Variants in TBC1D1 observed in about 807,000 individuals in gnomAD.
TBC1D1 encodes the protein TBC1 (tre-2/USP6, BUB2, cdc16) domain family, member 1.
In TBC1D1, 89 loss-of-function variants were observed where a neutral mutation model predicts 125.6. That is an observed-to-expected ratio of 0.71 (90% CI 0.60 to 0.85). The LOEUF (loss-of-function observed/expected upper bound fraction) is 0.85, where lower values mean the gene tolerates loss of function less well. Among genes scored for constraint, TBC1D1 ranks in the 40% least tolerant of loss-of-function variants. The probability of loss-of-function intolerance (pLI) is 0.00; values close to 1 mark genes in which losing one functional copy is unlikely to be tolerated. For missense variants in TBC1D1, 1,377 were observed against 1,469.2 expected, an observed-to-expected ratio of 0.94 and a Z score of 1.03; for synonymous variants, 565 against 564.1, an observed-to-expected ratio of 1.00 and a Z score of -0.02.
At chr4:37,940,789 T>G (rs1168819455) in intron 2 of TBC1D1, among the ~76,000 whole-genome samples, 1 of 152,166 alleles carries the variant, frequency 6.6e-6, no homozygotes, top group African/African-American at 2.4e-5. Flanking sequence ...AATCATGTGG[T>G]TTTTGTCTTT....
chr4:38,133,328 C>A (rs1765921006), intron 19 of TBC1D1, 71 bp downstream of exon 21: 1 of 1,450,958 alleles, frequency 6.9e-7, no homozygotes, highest in Non-Finnish European at 9.4e-7. Flanking sequence ...CCAAAGGCAA[C>A]AGCAGGCTGG....
In TBC1D1 at chr4:38,082,416, T is replaced by C. The variant is rs139097411; in HGVS notation, c.2051-7516T>C. On this transcript the variant is annotated intron_variant, in intron 12 of 19. Coordinates refer to ENST00000261439, the MANE Select transcript of TBC1D1 (RefSeq NM_015173.4). ...AAAATCAGTGTTACAGAAATGGTAA[T>C]AGGATAGGGCAAACTGTTACAAAGA... Among the ~76,000 whole-genome samples the C allele has an allele frequency of 3.3e-3, 508 of 152,248 alleles. 2 individuals carry two copies. The highest frequency in any genetic ancestry group is 0.011 in the African/African-American group (477 of 41,546).
chr4:38,004,643 G>A (rs1739735808), intron 2 of TBC1D1, among the ~76,000 whole-genome samples: 1 of 152,098 alleles, frequency 6.6e-6, no homozygotes, highest in Non-Finnish European at 1.5e-5. Flanking sequence ...ATAAAAGTTA[G>A]TTGCAGAACA....
At chr4:37,975,025 A>C (rs4479715) in intron 2 of TBC1D1, among the ~76,000 whole-genome samples, 44,346 of 152,158 alleles carry the variant, frequency 0.29, 6,556 homozygotes, top group East Asian at 0.4. Flanking sequence ...ACATAAGACA[A>C]AAAGATAAAA....
At chr4:37,924,638 T>C (rs1313618012) in intron 2 of TBC1D1, among the ~76,000 whole-genome samples, 2 of 152,238 alleles carry the variant, frequency 1.3e-5, no homozygotes, top group Non-Finnish European at 2.9e-5. Context: ...TCTCCTTCTG[T>C]GTCTGGTGTA....
At chr4:37,980,081 G>A (rs530919943) in intron 2 of TBC1D1, among the ~76,000 whole-genome samples, 1 of 152,338 alleles carries the variant, frequency 6.6e-6, no homozygotes, top group East Asian at 1.9e-4. Context: ...CCCCGGCCAA[G>A]CATGAATGTG....
At chr4:37,940,482 G>T (rs1725323707) in intron 2 of TBC1D1, among the ~76,000 whole-genome samples, 1 of 152,176 alleles carries the variant, frequency 6.6e-6, no homozygotes, top group African/African-American at 2.4e-5. Flanking sequence ...GGGACAATTT[G>T]ATTTCCTCTT....
At chr4:38,053,920 A>G (rs1451405695) in intron 11 of TBC1D1, among the ~76,000 whole-genome samples, 1 of 152,222 alleles carries the variant, frequency 6.6e-6, no homozygotes, top group Non-Finnish European at 1.5e-5. Context: ...AGAGAGGCCC[A>G]ATTGGAACTA....
intron 2 of TBC1D1, among the ~76,000 whole-genome samples, chr4:37,968,014 A>AT (rs1216871711): frequency 6.6e-6 from 1 of 152,186 alleles, no homozygotes; most frequent in Non-Finnish European, 1.5e-5. Flanking sequence ...CACCGATTCT[A>AT]TTTTTGGAAT....
chr4:38,051,634 T>TA (rs36021986), intron 11 of TBC1D1, among the ~76,000 whole-genome samples: 37 of 146,452 alleles, frequency 2.5e-4, no homozygotes, highest in Admixed American at 6.1e-4. Context: ...TGAGACCTAT[T>TA]AAAAAAAAAA....
intron 1 of TBC1D1, among the ~76,000 whole-genome samples, chr4:37,900,629 G>A (rs558453451): frequency 3.3e-5 from 5 of 152,164 alleles, no homozygotes; most frequent in African/African-American, 1.2e-4. Context: ...GCAGGGGCAG[G>A]GAGCTGGATA....
chr4:38,021,628 G>T lies in TBC1D1; in HGVS notation c.1120G>T (p.Ala374Ser), dbSNP rs1446108464. ...GACCCTGAAACAGGCCTTCACGGTG[G>T]CCGCAGTGCAGCAGACAGCTAAGGC... Residue 374 changes from alanine (A) to serine (S), a missense_variant, in exon 6 of 20, where the codon GCC (alanine) becomes TCC (serine). This residue lies in a region of TBC1D1 where 822 missense variants were observed against 824.6 expected (regional missense o/e 1.00). Coordinates refer to ENST00000261439, the MANE Select transcript of TBC1D1 (RefSeq NM_015173.4). The T allele has an allele frequency of 6.3e-7, 1 of 1,589,954 alleles. No individual in the cohort carries two copies.
At chr4:37,945,664 G>A (rs971978475) in intron 2 of TBC1D1, among the ~76,000 whole-genome samples, 7 of 151,446 alleles carry the variant, frequency 4.6e-5, no homozygotes, top group Non-Finnish European at 7.4e-5. Context: ...ACAACTGTCT[G>A]CAGTATTCAT....
At chr4:38,124,190 G>A (rs636487) in intron 17 of TBC1D1, among the ~76,000 whole-genome samples, 1 of 137,700 alleles carries the variant, frequency 7.3e-6, no homozygotes, top group South Asian at 2.3e-4. Context: ...TAGTTATCGT[G>A]GCTCTGCTTT....
intron 12 of TBC1D1, among the ~76,000 whole-genome samples, chr4:38,069,766 G>C (rs530653248): frequency 1.3e-5 from 2 of 152,352 alleles, no homozygotes; most frequent in Non-Finnish European, 2.9e-5. Flanking sequence ...CTTACCCAGG[G>C]AGAGGTGGGG....
intron 2 of TBC1D1, among the ~76,000 whole-genome samples, chr4:37,993,727 G>A (rs574567567): frequency 1.3e-5 from 2 of 152,102 alleles, no homozygotes; most frequent in African/African-American, 2.4e-5. Context: ...GATTACAGGC[G>A]CCCGCCACCG....
At chr4:38,104,457 C>T (rs1282054172) in intron 15 of TBC1D1, among the ~76,000 whole-genome samples, 1 of 152,234 alleles carries the variant, frequency 6.6e-6, no homozygotes, top group East Asian at 1.9e-4. Context: ...CCGCCTATCA[C>T]CCAAGCTGCT....
intron 8 of TBC1D1, among the ~76,000 whole-genome samples, chr4:38,041,071 A>G (rs1440965371): frequency 2.0e-5 from 3 of 152,234 alleles, no homozygotes. Context: ...TCATTCTCAT[A>G]GAGAGTCCAA....
At chr4:38,078,839 C>T (rs1425577) in intron 12 of TBC1D1, among the ~76,000 whole-genome samples, 35,089 of 152,130 alleles carry the variant, frequency 0.23, 4,583 homozygotes, top group East Asian at 0.45. Flanking sequence ...ATGGACTTTG[C>T]AACCAGAGCT....
Sources: allele counts gnomAD v4.1 joint callset (sites outside exome capture counted in the v4.1 genomes callset), GRCh38; gene constraint gnomAD v4.1.1; regional missense constraint gnomAD v4.1.1; transcripts MANE v1.5; gene names NCBI Gene and HGNC (gene_info 2026-07-23, HGNC 2026-07-21).